The following KLHL1 variants were observed in gnomAD, a reference collection of about 807,000 sequenced individuals.
The protein encoded by KLHL1 is kelch-like protein 1.
KLHL1 carries 47 observed loss-of-function variants against 77.7 expected under a neutral mutation model. The observed-to-expected ratio is 0.60, with a 90% CI of 0.48 to 0.77. KLHL1 has a LOEUF of 0.77. Among genes scored for constraint, KLHL1 ranks in the 30% least tolerant of loss-of-function variants. The pLI, the probability that KLHL1 is intolerant of heterozygous loss-of-function variation, is 0.00. For missense variants in KLHL1, 925 were observed against 910.8 expected, an observed-to-expected ratio of 1.02 and a Z score of -0.20; for synonymous variants, 360 against 325.2, an observed-to-expected ratio of 1.11 and a Z score of -1.15.
chr13:70,009,917 C>T (rs1426512894), intron 1 of KLHL1, among the ~76,000 whole-genome samples: 2 of 151,038 alleles, frequency 1.3e-5, no homozygotes, highest in Non-Finnish European at 3.0e-5. Context: ...AGAAAAAAAT[C>T]TGGATGAAAG....
chr13:70,021,251 C>T, intron 1 of KLHL1, among the ~76,000 whole-genome samples: 1 of 152,038 alleles, frequency 6.6e-6, no homozygotes, highest in East Asian at 1.9e-4. Flanking sequence ...TCCAGAATGT[C>T]ATATGGTTGT....
chr13:69,712,968 C>A (rs1422833131), intron 9 of KLHL1, among the ~76,000 whole-genome samples: 1 of 151,686 alleles, frequency 6.6e-6, no homozygotes, highest in Non-Finnish European at 1.5e-5. Context: ...TGCCACCATG[C>A]CTAGCTAATT....
chr13:69,837,622 ATGTG>A (rs911961087), intron 6 of KLHL1, among the ~76,000 whole-genome samples: 7 of 135,058 alleles, frequency 5.2e-5, no homozygotes, highest in African/African-American at 2.1e-4. Context: ...CTCTATATAT[ATGTG>A]TGTGTATATA....
intron 4 of KLHL1, among the ~76,000 whole-genome samples, chr13:69,913,137 G>A (rs1367634470): frequency 6.6e-6 from 1 of 152,074 alleles, no homozygotes; most frequent in Non-Finnish European, 1.5e-5. Flanking sequence ...TTTATCAGAG[G>A]TCTCATACAG....
intron 1 of KLHL1, among the ~76,000 whole-genome samples, chr13:70,044,338 T>C (rs1405913315): frequency 1.3e-5 from 2 of 152,236 alleles, no homozygotes; most frequent in Admixed American, 6.5e-5. Context: ...ATCTCACAGA[T>C]AGGTTTCTTA....
At chr13:70,006,494 C>T (rs1164101658) in intron 1 of KLHL1, among the ~76,000 whole-genome samples, 1 of 125,862 alleles carries the variant, frequency 7.9e-6, no homozygotes, top group African/African-American at 3.0e-5. Flanking sequence ...GAAAGTATTC[C>T]CCCTCAAGTT....
rs1239923457 is a variant in KLHL1, at chr13:69,735,420, C to T, written c.1802+4974G>A. 6.6e-5 allele frequency among the ~76,000 whole-genome samples: 10 copies of T among 150,666 alleles called. No individual in the cohort carries two copies. In the East Asian group the frequency reaches 2.0e-3, roughly 30 times the overall value. ...TATATTAAGAAAACAGAAAAAGTTT[C>T]CTTACTAGTTTATTAAATGTTTATC... On this transcript the variant is annotated intron_variant, in intron 8 of 10. Transcript: ENST00000377844.
intron 4 of KLHL1, among the ~76,000 whole-genome samples, chr13:69,916,384 T>C (rs1478804170): frequency 6.6e-6 from 1 of 151,930 alleles, no homozygotes; most frequent in Non-Finnish European, 1.5e-5. Flanking sequence ...ATGTGGCACA[T>C]ATACACCATG....
chr13:70,100,600 T>A (rs1162905661), intron 1 of KLHL1, among the ~76,000 whole-genome samples: 1 of 152,208 alleles, frequency 6.6e-6, no homozygotes, highest in Non-Finnish European at 1.5e-5. Flanking sequence ...CCCAAAGTGC[T>A]GGAATTACAG....
intron 1 of KLHL1, among the ~76,000 whole-genome samples, chr13:70,032,256 G>C (rs1886120600): frequency 6.6e-6 from 1 of 152,158 alleles, no homozygotes; most frequent in South Asian, 2.1e-4. Context: ...TAATTGTTGT[G>C]ACAATGCGCA....
chr13:70,077,883 G>T (rs533447883), intron 1 of KLHL1, among the ~76,000 whole-genome samples: 19 of 151,900 alleles, frequency 1.3e-4, no homozygotes, highest in Non-Finnish European at 1.8e-4. Flanking sequence ...TATGTTCTGT[G>T]CCCTTTCTGT....
chr13:69,704,698 A>C (rs1372128683), intron 10 of KLHL1, among the ~76,000 whole-genome samples: 1 of 151,700 alleles, frequency 6.6e-6, no homozygotes, highest in African/African-American at 2.4e-5. Flanking sequence ...GTTTAAGAAA[A>C]GTTTTCCTTC....
chr13:69,769,557 G>A lies in KLHL1; in HGVS notation c.1639+27181C>T, dbSNP rs74090449. On this transcript the variant is annotated intron_variant, in intron 7 of 10. Coordinates refer to ENST00000377844, the MANE Select transcript of KLHL1 (RefSeq NM_020866.3). ...GACTGGAGTGAGAACATCTATTCCT[G>A]TTTGCCACTCTTTCCAGATTGTATT... Among the ~76,000 whole-genome samples the A allele has an allele frequency of 9.9e-3, 1,507 of 152,020 alleles. 30 individuals carry two copies. The highest frequency in any genetic ancestry group is 0.035 in the African/African-American group (1,435 of 41,432).
intron 6 of KLHL1, among the ~76,000 whole-genome samples, chr13:69,824,229 C>A (rs1466473891): frequency 6.6e-6 from 1 of 151,840 alleles, no homozygotes; most frequent in Admixed American, 6.6e-5. Flanking sequence ...CCCGAAAGTC[C>A]AGGTTGTTAC....
At chr13:69,889,395 T>C (rs1417175657) in intron 4 of KLHL1, among the ~76,000 whole-genome samples, 1 of 152,058 alleles carries the variant, frequency 6.6e-6, no homozygotes, top group Admixed American at 6.6e-5. Flanking sequence ...AGCTCGCATA[T>C]AGTCATACTC....
chr13:69,816,019 T>TA lies in KLHL1; in HGVS notation c.1415-19058dup, dbSNP rs914372531. Among the ~76,000 whole-genome samples, 14 of 151,356 alleles carry TA rather than the reference T, an allele frequency of 9.2e-5. No individual in the cohort carries two copies. The East Asian group carries it at 1.2e-3, about 13-fold the overall frequency. ...AAGAGGAAAAATAGAAACCTCAAAA[T>TA]AAAAAAAATGCTAATTACATAAGCA... is the stretch of plus-strand genomic sequence containing the variant. On this transcript the variant is annotated intron_variant, in intron 6 of 10. Transcript: ENST00000377844.
intron 7 of KLHL1, among the ~76,000 whole-genome samples, chr13:69,789,982 T>C (rs1409790697): frequency 6.6e-6 from 1 of 152,120 alleles, no homozygotes; most frequent in Non-Finnish European, 1.5e-5. Context: ...CATAGAAACA[T>C]CTTTGTCCTC....
At chr13:69,834,752 A>G (rs567966580) in intron 6 of KLHL1, among the ~76,000 whole-genome samples, 64 of 152,252 alleles carry the variant, frequency 4.2e-4, no homozygotes, top group African/African-American at 1.4e-3. Flanking sequence ...AGAATGTATA[A>G]CAGAAGAACA....
intron 6 of KLHL1, among the ~76,000 whole-genome samples, chr13:69,820,472 C>T (rs536610989): frequency 2.6e-5 from 4 of 152,038 alleles, no homozygotes; most frequent in African/African-American, 7.3e-5. Context: ...TACTCTCTGT[C>T]TCCTAGTGAT....
Sources: gnomAD v4.1 joint callset for allele counts (sites outside exome capture counted in the v4.1 genomes callset) on GRCh38, gnomAD v4.1.1 for gene constraint, MANE v1.5 for transcripts, NCBI Gene and HGNC (gene_info 2026-07-23, HGNC 2026-07-21) for gene names.